The following BMPR1B variants were observed in gnomAD, a reference collection of about 807,000 sequenced individuals.
The protein encoded by BMPR1B is bone morphogenetic protein receptor type-1B.
Under a neutral mutation model 59.1 loss-of-function variants are expected in BMPR1B, and 12 were observed. The observed-to-expected ratio is 0.20, with a 90% CI of 0.13 to 0.33. The LOEUF is 0.33. BMPR1B is among the 10% of genes least tolerant of loss of function. The pLI, the probability that BMPR1B is intolerant of heterozygous loss-of-function variation, is 1.00. For synonymous variants in BMPR1B, 237 were observed against 207.3 expected, an observed-to-expected ratio of 1.14 and a Z score of -1.23; for missense variants, 550 against 610.9, an observed-to-expected ratio of 0.90 and a Z score of 1.05.
At chr4:94,800,069 A>T (rs970935263) in intron 1 of BMPR1B, among the ~76,000 whole-genome samples, 2 of 152,170 alleles carry the variant, frequency 1.3e-5, no homozygotes, top group Non-Finnish European at 2.9e-5. Context: ...TTCTCTATTT[A>T]TGTAGAACTA....
chr4:94,797,123 A>G (rs1723225252), intron 1 of BMPR1B, among the ~76,000 whole-genome samples: 1 of 152,202 alleles, frequency 6.6e-6, no homozygotes, highest in Non-Finnish European at 1.5e-5. Context: ...TGGCAGAAGC[A>G]AGACCGAATT....
intron 6 of BMPR1B, among the ~76,000 whole-genome samples, chr4:95,122,673 T>G (rs1732616217): frequency 6.6e-6 from 1 of 152,180 alleles, no homozygotes; most frequent in Admixed American, 6.6e-5. Flanking sequence ...GTAGTGATTT[T>G]ATTTTATTTT....
chr4:94,967,249 T>A (rs2149072402), intron 2 of BMPR1B, among the ~76,000 whole-genome samples: 1 of 152,302 alleles, frequency 6.6e-6, no homozygotes, highest in African/African-American at 2.4e-5. Flanking sequence ...TAGAAACACC[T>A]TTAACATCTT....
intron 2 of BMPR1B, among the ~76,000 whole-genome samples, chr4:94,920,740 A>ACCCCT (rs1425366760): frequency 6.6e-6 from 1 of 152,222 alleles, no homozygotes; most frequent in African/African-American, 2.4e-5. Flanking sequence ...TATTTCAGAG[A>ACCCCT]ATACTCACTT....
At chr4:95,056,441 T>G (rs1272285808) in intron 3 of BMPR1B, among the ~76,000 whole-genome samples, 1 of 152,168 alleles carries the variant, frequency 6.6e-6, no homozygotes, top group African/African-American at 2.4e-5. Context: ...ATTGATATTT[T>G]GGTTATAAAG....
chr4:94,835,892 A>C, intron 1 of BMPR1B, among the ~76,000 whole-genome samples: 1 of 120,638 alleles, frequency 8.3e-6, no homozygotes. Context: ...TATATCTCCC[A>C]ATGCTATCCC....
chr4:95,148,631 C>G, intron 10 of BMPR1B, 117 bp from the exon 11 acceptor site: 1 of 1,028,848 alleles, frequency 9.7e-7, no homozygotes, highest in Non-Finnish European at 1.5e-6. Context: ...TTTTTATTCC[C>G]TGGAAAGTTT....
At chr4:95,111,544 A>G (rs1170773226) in intron 4 of BMPR1B, among the ~76,000 whole-genome samples, 1 of 152,148 alleles carries the variant, frequency 6.6e-6, no homozygotes, top group Admixed American at 6.6e-5. Context: ...AGGCTATATT[A>G]TAAATCTGTT....
At chr4:95,120,421 A>G (rs578004187) in intron 6 of BMPR1B, among the ~76,000 whole-genome samples, 12 of 152,330 alleles carry the variant, frequency 7.9e-5, no homozygotes, top group Admixed American at 2.6e-4. Context: ...AGTCAGAGCA[A>G]TCAGACCAGA....
chr4:94,982,764 G>T (rs902795073), intron 2 of BMPR1B, among the ~76,000 whole-genome samples: 1 of 151,938 alleles, frequency 6.6e-6, no homozygotes. Context: ...AGGCTGAGGC[G>T]GGCGGATCAG....
rs369849072 is a variant in BMPR1B, at chr4:94,761,190, A to G, written c.-183+3122A>G. On this transcript the variant is annotated intron_variant, in intron 1 of 12. Transcript: ENST00000515059. ...AACTCTGAAGATTTCTTTTCATGTC[A>G]TCCAATAAAAGCCGTGCATGAAATG... is the stretch of plus-strand genomic sequence containing the variant. 3.3e-5 allele frequency among the ~76,000 whole-genome samples: 5 copies of G among 152,282 alleles called. No homozygotes were observed. In the East Asian group the frequency reaches 9.6e-4, roughly 29 times the overall value.
At chr4:95,032,020 A>C (rs1167199385) in intron 3 of BMPR1B, among the ~76,000 whole-genome samples, 1 of 152,180 alleles carries the variant, frequency 6.6e-6, no homozygotes, top group Non-Finnish European at 1.5e-5. Context: ...TTGTGCAGCC[A>C]GTCTCTGGAG....
At chr4:94,783,526 T>C (rs1450734093) in intron 1 of BMPR1B, among the ~76,000 whole-genome samples, 2 of 152,188 alleles carry the variant, frequency 1.3e-5, no homozygotes, top group Admixed American at 1.3e-4. Context: ...ATGAAGTGTC[T>C]CTTCCTCTGG....
intron 1 of BMPR1B, among the ~76,000 whole-genome samples, chr4:94,760,534 A>G (rs1394545655): frequency 6.6e-6 from 1 of 152,130 alleles, no homozygotes; most frequent in East Asian, 1.9e-4. Flanking sequence ...GAGCACTCAA[A>G]TCGTATTTAT....
intron 8 of BMPR1B, among the ~76,000 whole-genome samples, chr4:95,127,947 C>T (rs1328365432): frequency 6.6e-6 from 1 of 151,024 alleles, no homozygotes; most frequent in Non-Finnish European, 1.5e-5. Flanking sequence ...TGTTGTGGTG[C>T]GATCTTGTCT....
intron 3 of BMPR1B, among the ~76,000 whole-genome samples, chr4:95,003,366 G>T (rs1022700092): frequency 2.6e-5 from 4 of 151,456 alleles, no homozygotes; most frequent in Admixed American, 2.0e-4. Context: ...AAATCTTTAG[G>T]TTACCTTTCA....
intron 3 of BMPR1B, among the ~76,000 whole-genome samples, chr4:95,037,865 A>T (rs1011115530): frequency 6.6e-6 from 1 of 152,128 alleles, no homozygotes; most frequent in Non-Finnish European, 1.5e-5. Flanking sequence ...TGTTTCAAGT[A>T]TTGGGGGAAC....
intron 2 of BMPR1B, among the ~76,000 whole-genome samples, chr4:94,988,931 T>C (rs1270808689): frequency 6.6e-6 from 1 of 152,124 alleles, no homozygotes; most frequent in African/African-American, 2.4e-5. Flanking sequence ...GAGTCAATTT[T>C]CTTTCTCCTC....
chr4:95,100,629 T>C (rs1730750806), intron 3 of BMPR1B, among the ~76,000 whole-genome samples: 1 of 152,126 alleles, frequency 6.6e-6, no homozygotes, highest in South Asian at 2.1e-4. Flanking sequence ...TTGATGATTT[T>C]CTTTCCTCTG....
Sources: gnomAD v4.1 joint callset for allele counts (sites outside exome capture counted in the v4.1 genomes callset) on GRCh38, gnomAD v4.1.1 for gene constraint, MANE v1.5 for transcripts, NCBI Gene and HGNC (gene_info 2026-07-23, HGNC 2026-07-21) for gene names.